HDAC1: variants seen among roughly 807,000 people sequenced by gnomAD.
HDAC1 encodes the protein histone deacetylase 1.
HDAC1 carries 18 observed loss-of-function variants against 65.5 expected under a neutral mutation model. That is an observed-to-expected ratio of 0.27 (90% confidence interval 0.19 to 0.41). The LOEUF (loss-of-function observed/expected upper bound fraction) is 0.41, where lower values mean the gene tolerates loss of function less well. HDAC1 is among the 10% of genes least tolerant of loss of function. The pLI is 1.00. For synonymous variants in HDAC1, 211 were observed against 227.9 expected, an observed-to-expected ratio of 0.93 and a Z score of 0.67; for missense variants, 373 against 625.2, an observed-to-expected ratio of 0.60 and a Z score of 4.30.
chr1:32,321,112 T>C (rs1641136938), intron 3 of HDAC1, among the ~76,000 whole-genome samples: 1 of 150,732 alleles, frequency 6.6e-6, no homozygotes, highest in African/African-American at 2.4e-5. Context: ...GTGCCTGTAG[T>C]CCCAGCTACT....
At position 32,331,000 on chromosome 1, in the gene HDAC1, G is replaced by A. The variant is rs1342207287; in HGVS notation, c.979+92G>A. 11 of 1,181,266 alleles carry A rather than the reference G, an allele frequency of 9.3e-6. No individual in the cohort carries two copies. The highest frequency in any genetic ancestry group is 1.4e-5 in the Non-Finnish European group (11 of 806,698). 73.2% of individuals were successfully genotyped at this position (1,181,266 alleles called of 1,614,324 possible). ...ATAACCCCTTCCCCGTTGGTCATAT[G>A]ACCGCTCCTCTTCTGATACTAGTCA... is the stretch of plus-strand genomic sequence containing the variant. On this transcript the variant is annotated intron_variant, in intron 9 of 13. Transcript: ENST00000373548. The surrounding 1 kb of genome is among the most constrained non-coding windows in gnomAD (Gnocchi z 4.2).
Position 32,313,113 on chromosome 1 carries a change from T to A in HDAC1, c.163-3552T>A, listed in dbSNP as rs971030038. Among the ~76,000 whole-genome samples, 8 of 152,032 alleles carry A rather than the reference T, an allele frequency of 5.3e-5. No homozygotes were observed. The East Asian group carries it at 1.5e-3, about 29-fold the overall frequency. On this transcript the variant is annotated intron_variant, in intron 2 of 13. Coordinates refer to ENST00000373548, the MANE Select transcript of HDAC1 (RefSeq NM_004964.3). ...TTATTTATTTATTTATTTATTTATT[T>A]GAGATGGAGTCTCGCTTTGTTGCCC... is the stretch of plus-strand genomic sequence containing the variant.
chr1:32,320,425 A>AT (rs886848868), intron 3 of HDAC1, among the ~76,000 whole-genome samples: 12 of 152,260 alleles, frequency 7.9e-5, no homozygotes, highest in Non-Finnish European at 1.3e-4. Context: ...AAATAAATGC[A>AT]TTTAGGGGGC....
chr1:32,330,869 T>C lies in HDAC1; in HGVS notation c.940T>C (p.Tyr314His). ...TIRNVARCWT[Y>H]ETAVALDTEI... ...TCGTAACGTTGCCCGGTGCTGGACA[T>C]ATGAGACAGCTGTGGCCCTGGATAC... Residue 314 changes from tyrosine to histidine, a missense_variant, in exon 9 of 14, where the codon TAT (tyrosine) becomes CAT (histidine). By Grantham distance (83) the Tyr-to-His change is moderately conservative (BLOSUM62 2). Coordinates refer to ENST00000373548, the MANE Select transcript of HDAC1 (RefSeq NM_004964.3). The surrounding 1 kb of genome is among the most constrained non-coding windows in gnomAD (Gnocchi z 4.2). 3 of 1,614,138 alleles carry C rather than the reference T, an allele frequency of 1.9e-6. No individual in the cohort carries two copies. Among genetic ancestry groups the C allele is most frequent in the Non-Finnish European group, 2.5e-6 (3 of 1,180,014 alleles).
In HDAC1 at chr1:32,329,209, C is replaced by T. The variant is rs563978052; in HGVS notation, c.729+49C>T. ...GGGCTACAAACAGGGGATTGGTTGG[C>T]GGTGGAGGGGAGCAAAGCACCCCCA... is the stretch of plus-strand genomic sequence containing the variant. On this transcript the variant is annotated intron_variant, in intron 7 of 13. Coordinates refer to ENST00000373548, the MANE Select transcript of HDAC1 (RefSeq NM_004964.3). The surrounding 1 kb of genome is among the most constrained non-coding windows in gnomAD (Gnocchi z 4.1). 71 of 1,143,482 alleles carry T rather than the reference C, an allele frequency of 6.2e-5. 1 individual carries two copies. The highest frequency in any genetic ancestry group is 1.6e-4 in the South Asian group (13 of 81,686). The allele number at this position is 1,143,482 out of a possible 1,614,324, so 70.8% of individuals were successfully genotyped here.
In HDAC1 at chr1:32,332,168, A is replaced by G. The variant is rs1247221184; in HGVS notation, c.1298A>G (p.Asn433Ser). The part of the protein sequence containing the change: ...SEEEGEGGRK[N>S]SSNFKKAKRV... ...GAGGAGGGAGAGGGGGGCCGCAAGAACTCTTCCAACTTCAAAAAAGCCAAG... is the reference window on the plus strand; with the variant it reads ...GAGGAGGGAGAGGGGGGCCGCAAGAGCTCTTCCAACTTCAAAAAAGCCAAG... The change falls in exon 12 of 14, where the codon AAC becomes AGC. Residue 433 changes from asparagine to serine, a missense_variant. By Grantham distance (46) the Asn-to-Ser change is conservative (BLOSUM62 1). Coordinates refer to ENST00000373548, the MANE Select transcript of HDAC1 (RefSeq NM_004964.3). 6.2e-7 allele frequency: 1 copy of G among 1,613,510 alleles called. No homozygotes were observed. Among genetic ancestry groups the G allele is most frequent in the African/African-American group, 1.3e-5 (1 of 74,882 alleles).
intron 4 of HDAC1, 93 bp downstream of exon 4, chr1:32,324,646 C>G (rs1362419863): frequency 7.0e-6 from 6 of 858,422 alleles, no homozygotes; most frequent in Non-Finnish European, 1.2e-5. Flanking sequence ...TGATCTGAAA[C>G]CATGTAGAAT....
intron 3 of HDAC1, among the ~76,000 whole-genome samples, chr1:32,317,301 A>T (rs777274711): frequency 3.3e-5 from 5 of 152,168 alleles, no homozygotes; most frequent in African/African-American, 4.8e-5. Context: ...TGAACTTCAG[A>T]GCAGGTCCCA....
At chr1:32,298,080 C>T (rs1423715559) in intron 1 of HDAC1, among the ~76,000 whole-genome samples, 1 of 141,514 alleles carries the variant, frequency 7.1e-6, no homozygotes, top group Non-Finnish European at 1.5e-5. Context: ...TGAGCCAGCG[C>T]GCCCGGCCTT....
chr1:32,316,697 C>T lies in HDAC1; in HGVS notation c.195C>T (p.Thr65=), dbSNP rs1353251757. The T allele has an allele frequency of 1.2e-6, 2 of 1,613,754 alleles. No homozygotes were observed. Among genetic ancestry groups the T allele is most frequent in the Non-Finnish European group, 1.7e-6 (2 of 1,179,680 alleles). ...RPHKANAEEM[T]KYHSDDYIKF... ...ACAAAGCCAATGCTGAGGAGATGAC[C>T]AAGTACCACAGCGATGACTACATTA... The change falls in exon 3 of 14, where the codon ACC becomes ACT. Residue 65 remains threonine (T), a synonymous_variant. Coordinates refer to ENST00000373548, the MANE Select transcript of HDAC1 (RefSeq NM_004964.3).
intron 1 of HDAC1, among the ~76,000 whole-genome samples, chr1:32,300,802 A>G (rs1640837822): frequency 6.6e-6 from 1 of 152,166 alleles, no homozygotes; most frequent in African/African-American, 2.4e-5. Flanking sequence ...TCTGGAGCAC[A>G]GGTTGGCAAA....
intron 3 of HDAC1, among the ~76,000 whole-genome samples, chr1:32,320,011 T>A (rs1641118036): frequency 6.6e-6 from 1 of 151,204 alleles, no homozygotes; most frequent in Non-Finnish European, 1.5e-5. Flanking sequence ...GGTCAGTACA[T>A]CGAGACACCA....
At chr1:32,320,198 C>T (rs1247624855) in intron 3 of HDAC1, among the ~76,000 whole-genome samples, 4 of 150,792 alleles carry the variant, frequency 2.7e-5, no homozygotes, top group Admixed American at 2.0e-4. Context: ...CCAGCTTGGG[C>T]GACAGAGCGA....
chr1:32,292,139 C>T lies in HDAC1; in HGVS notation c.-31C>T, dbSNP rs927394060. ...GCCGCGGGCGGGAGGGCGGACGGAC[C>T]GACTGACGGTAGGGACGGGAGGCGA... On this transcript the variant is annotated 5_prime_UTR_variant, in exon 1 of 14. Coordinates refer to ENST00000373548, the MANE Select transcript of HDAC1 (RefSeq NM_004964.3). The T allele has an allele frequency of 1.3e-6, 2 of 1,546,582 alleles. No homozygotes were observed. The highest frequency in any genetic ancestry group is 1.7e-6 in the Non-Finnish European group (2 of 1,145,370).
Position 32,331,696 on chromosome 1 carries a change from T to C in HDAC1, c.1109T>C (p.Leu370Pro). The C allele has an allele frequency of 6.2e-7, 1 of 1,614,028 alleles. No homozygotes were observed. Among genetic ancestry groups the C allele is most frequent in the Non-Finnish European group, 8.5e-7 (1 of 1,179,914 alleles). Residue 370 changes from leucine (L) to proline (P), a missense_variant, in exon 11 of 14, where the codon CTT becomes CCT. Physicochemically the swap from Leu to Pro is moderately conservative, Grantham distance 98. Coordinates refer to ENST00000373548, the MANE Select transcript of HDAC1 (RefSeq NM_004964.3). The surrounding 1 kb of genome is among the most constrained non-coding windows in gnomAD (Gnocchi z 4.2). ...EKIKQRLFEN[L>P]RMLPHAPGVQ... ...CACAGACAGCGACTGTTTGAGAACC[T>C]TAGAATGCTGCCGCACGCACCTGGG...
In HDAC1 at chr1:32,293,154, C is replaced by T. The variant is rs572350465; in HGVS notation, c.49+936C>T. On this transcript the variant is annotated intron_variant, in intron 1 of 13. Coordinates refer to ENST00000373548, the MANE Select transcript of HDAC1 (RefSeq NM_004964.3). ...TGGCCAACATGGTGAAACCCCGTCT[C>T]TACTAAAAATACAAAATTAGCCGCG... Among the ~76,000 whole-genome samples the T allele has an allele frequency of 5.9e-5, 9 of 151,962 alleles. No individual in the cohort carries two copies. In the South Asian group the frequency reaches 1.9e-3, roughly 32 times the overall value.
intron 1 of HDAC1, among the ~76,000 whole-genome samples, chr1:32,295,465 AAAGTCC>A (rs1356333827): frequency 6.6e-6 from 1 of 152,024 alleles, no homozygotes; most frequent in African/African-American, 2.4e-5. Context: ...CCAAGGCTAG[AAAGTCC>A]AAGATCAGGG....
chr1:32,308,041 C>T (rs1263782282), intron 2 of HDAC1, among the ~76,000 whole-genome samples: 6 of 152,206 alleles, frequency 3.9e-5, no homozygotes, highest in East Asian at 3.8e-4. Flanking sequence ...TACTTCGGGC[C>T]GGGCGCAGTG....
At chr1:32,321,874 A>C (rs1470094809) in intron 3 of HDAC1, among the ~76,000 whole-genome samples, 1 of 152,170 alleles carries the variant, frequency 6.6e-6, no homozygotes, top group African/African-American at 2.4e-5. Flanking sequence ...ATCAGTTGCC[A>C]ATGGATAAAC....
Sources: gnomAD v4.1 joint callset for allele counts (sites outside exome capture counted in the v4.1 genomes callset) on GRCh38, gnomAD v4.1.1 for gene constraint, Gnocchi (gnomAD v3.1) non-coding constraint, MANE v1.5 for transcripts, NCBI Gene and HGNC (gene_info 2026-07-23, HGNC 2026-07-21) for gene names.